The following CEPT1 variants were observed in gnomAD, a reference collection of about 807,000 sequenced individuals.
CEPT1 encodes the protein choline/ethanolaminephosphotransferase 1.
A neutral mutation model predicts 42.6 loss-of-function variants in CEPT1; 7 were observed. The observed-to-expected ratio is 0.16, with a 90% confidence interval of 0.09 to 0.31. The LOEUF is 0.31. CEPT1 is among the 10% of genes least tolerant of loss of function. The pLI is 1.00. For synonymous variants in CEPT1, 171 were observed against 171.9 expected (o/e 0.99, Z 0.04); for missense variants, 306 against 502.1 (o/e 0.61, Z 3.73).
intron 1 of CEPT1, among the ~76,000 whole-genome samples, chr1:111,142,038 T>G (rs1395729737): frequency 6.6e-6 from 1 of 152,134 alleles, no homozygotes; most frequent in African/African-American, 2.4e-5. Flanking sequence ...CCTTATGCAC[T>G]GCTCAGGAGT....
intron 1 of CEPT1, among the ~76,000 whole-genome samples, chr1:111,141,804 TTTTC>T (rs1654617036): frequency 6.6e-6 from 1 of 152,174 alleles, no homozygotes; most frequent in Non-Finnish European, 1.5e-5. Context: ...ATCCTATTAG[TTTTC>T]TTTTTCTTTT....
intron 4 of CEPT1, among the ~76,000 whole-genome samples, chr1:111,166,726 C>T (rs1656163457): frequency 6.6e-6 from 1 of 152,120 alleles, no homozygotes; most frequent in Admixed American, 6.5e-5. Flanking sequence ...TTCCTATCTA[C>T]AGGGAAGTCT....
intron 4 of CEPT1, among the ~76,000 whole-genome samples, chr1:111,161,555 T>A (rs544266915): frequency 7.9e-5 from 12 of 152,344 alleles, no homozygotes; most frequent in African/African-American, 2.6e-4. Context: ...CATCTTTGTC[T>A]TTCCCACAGA....
In CEPT1 at chr1:111,182,946, A is replaced by G. The variant is rs778532958; in HGVS notation, c.994A>G (p.Asn332Asp). 27 of 1,611,908 alleles carry G rather than the reference A, an allele frequency of 1.7e-5. No individual in the cohort carries two copies. Among genetic ancestry groups the G allele is most frequent in the Non-Finnish European group, 2.3e-5 (27 of 1,179,114 alleles). Residue 332 changes from asparagine (N) to aspartate (D), a missense_variant, in exon 7 of 9, where the codon AAT becomes GAT. Physicochemically the swap from Asn to Asp is conservative, Grantham distance 23. Around this residue, in one of 2 missense-constraint regions of CEPT1, gnomAD observed 253 missense variants for 447.3 expected, o/e 0.57. Transcript: ENST00000357172. ...TGGTTTTGTGTCTGCTAAAATCACT[A>G]ATAAGCTTGTGGTAAGCACCTGAGT... ...TFGFVSAKITNKLVVAHMTKS... is the reference protein window; with the variant it reads ...TFGFVSAKITDKLVVAHMTKS...
intron 2 of CEPT1, among the ~76,000 whole-genome samples, chr1:111,150,957 A>G (rs577588637): frequency 2.0e-4 from 31 of 152,314 alleles, no homozygotes; most frequent in South Asian, 8.3e-4. Flanking sequence ...ATATGTTAAT[A>G]TACTTGTGTT....
At chr1:111,153,967 AT>A (rs565176547) in intron 2 of CEPT1, among the ~76,000 whole-genome samples, 1 of 151,148 alleles carries the variant, frequency 6.6e-6, no homozygotes, top group African/African-American at 2.4e-5. Flanking sequence ...ACATTTTAGG[AT>A]TTTTTTTCTA....
intron 2 of CEPT1, among the ~76,000 whole-genome samples, chr1:111,158,948 C>T (rs1216143206): frequency 8.9e-6 from 1 of 112,136 alleles, no homozygotes. Context: ...GAGTCTCGCT[C>T]TGTCGCCCAG....
intron 2 of CEPT1, among the ~76,000 whole-genome samples, chr1:111,151,406 G>A (rs1655270079): frequency 6.6e-6 from 1 of 152,214 alleles, no homozygotes; most frequent in Non-Finnish European, 1.5e-5. Flanking sequence ...ACAGGCGTGT[G>A]CCACCACACC....
Position 111,184,280 on chromosome 1 carries a change from G to A in CEPT1, c.1221G>A (p.Lys407=). The A allele has an allele frequency of 6.2e-7, 1 of 1,612,716 alleles. No homozygotes were observed. The highest frequency in any genetic ancestry group is 8.5e-7 in the Non-Finnish European group (1 of 1,178,904). ...SHLHIHVFRI[K]VSTAHSNHH is the part of the protein sequence containing the mutation. ...TGCACATACATGTCTTCAGAATCAA[G>A]GTCTCTACAGCTCATTCTAATCATC... is the stretch of plus-strand genomic sequence containing the variant. The change falls in exon 9 of 9, where the codon AAG becomes AAA. Residue 407 remains lysine, a synonymous_variant. Transcript: ENST00000357172.
At chr1:111,176,660 T>C (rs1379050223) in intron 5 of CEPT1, among the ~76,000 whole-genome samples, 3 of 152,234 alleles carry the variant, frequency 2.0e-5, no homozygotes, top group African/African-American at 4.8e-5. Flanking sequence ...ATATACATGA[T>C]GAGATATCTT....
At chr1:111,162,858 T>C (rs1026989955) in intron 4 of CEPT1, among the ~76,000 whole-genome samples, 1 of 152,188 alleles carries the variant, frequency 6.6e-6, no homozygotes, top group Non-Finnish European at 1.5e-5. Context: ...TATTACACAT[T>C]ATATATCGTT....
intron 6 of CEPT1, 122 bp from the exon 7 acceptor site, chr1:111,182,677 T>G (rs1657047237): frequency 1.2e-6 from 1 of 836,120 alleles, no homozygotes; most frequent in South Asian, 2.0e-5. Flanking sequence ...TAGAAATTGC[T>G]GCCTATCAGG....
chr1:111,144,247 A>G (rs9804033), intron 1 of CEPT1, among the ~76,000 whole-genome samples: 3,539 of 152,280 alleles, frequency 0.023, 143 homozygotes, highest in African/African-American at 0.08. Flanking sequence ...ATATGATGGA[A>G]GGAAGAGTAG....
intron 4 of CEPT1, among the ~76,000 whole-genome samples, chr1:111,162,049 GA>G (rs1225334124): frequency 6.6e-6 from 1 of 152,242 alleles, no homozygotes; most frequent in Non-Finnish European, 1.5e-5. Flanking sequence ...ATGGTTGGAT[GA>G]TAAGATGCCT....
At chr1:111,178,383 C>T (rs1337872898) in intron 5 of CEPT1, 1 of 151,972 alleles carries the variant, frequency 6.6e-6, no homozygotes, top group Non-Finnish European at 1.5e-5. Flanking sequence ...ATATGGATTA[C>T]CCATTCTTTC....
chr1:111,178,403 T>C (rs955039921), intron 5 of CEPT1: 1 of 152,122 alleles, frequency 6.6e-6, no homozygotes, highest in African/African-American at 2.4e-5. Flanking sequence ...CCCAAATTTT[T>C]TCCCCAAAGA....
chr1:111,155,040 A>C (rs775889273), intron 2 of CEPT1, among the ~76,000 whole-genome samples: 2 of 152,200 alleles, frequency 1.3e-5, no homozygotes, highest in Non-Finnish European at 2.9e-5. Flanking sequence ...GTATTTTGGA[A>C]TAGTTTCAGA....
At chr1:111,155,655 C>T (rs1655524012) in intron 2 of CEPT1, among the ~76,000 whole-genome samples, 1 of 152,128 alleles carries the variant, frequency 6.6e-6, no homozygotes, top group Non-Finnish European at 1.5e-5. Flanking sequence ...CCTCCTGCCT[C>T]AGCCTCCCGA....
Position 111,140,854 on chromosome 1 carries a change from G to A in CEPT1, c.-74+547G>A, listed in dbSNP as rs189678192. The stretch of plus-strand genomic sequence containing the variant: ...AAATTTCAGCCTATATTGATAAGCT[G>A]TGAGATTGCTAGCTGGCGTTTATTT... On this transcript the variant is annotated intron_variant, in intron 1 of 8. Transcript: ENST00000357172. 6.6e-5 allele frequency among the ~76,000 whole-genome samples: 10 copies of A among 152,364 alleles called. No homozygotes were observed. In the East Asian group the frequency reaches 1.7e-3, roughly 26 times the overall value.
Sources: gnomAD v4.1 joint callset for allele counts (sites outside exome capture counted in the v4.1 genomes callset) on GRCh38, gnomAD v4.1.1 for gene constraint, gnomAD v4.1.1 regional missense constraint, MANE v1.5 for transcripts, NCBI Gene and HGNC (gene_info 2026-07-23, HGNC 2026-07-21) for gene names.